MLIP: variants seen among roughly 807,000 people sequenced by gnomAD.
The protein encoded by MLIP is muscular LMNA interacting protein.
A neutral mutation model predicts 84.8 loss-of-function variants in MLIP; 79 were observed. The ratio of observed to expected loss-of-function variants is 0.93; its 90% CI spans 0.78 to 1.12. The LOEUF (loss-of-function observed/expected upper bound fraction) is 1.12. Among genes scored for constraint, MLIP ranks in the 50% most tolerant of loss-of-function variants. MLIP has a pLI of 0.00. For missense variants in MLIP, 1,257 were observed against 1,160.6 expected, an observed-to-expected ratio of 1.08 and a Z score of -1.21; for synonymous variants, 504 against 463.0, an observed-to-expected ratio of 1.09 and a Z score of -1.14.
At chr6:54,261,498 T>C (rs1783389753) in intron 13 of MLIP, 2 of 821,890 alleles carry the variant, frequency 2.4e-6, no homozygotes, top group African/African-American at 1.9e-5. Flanking sequence ...TGTGTTTTCT[T>C]ATTCCTTCTC....
chr6:54,133,580 G>A (rs1278619967), intron 3 of MLIP, among the ~76,000 whole-genome samples: 1 of 152,132 alleles, frequency 6.6e-6, no homozygotes, highest in Non-Finnish European at 1.5e-5. Flanking sequence ...TTATTCAAAT[G>A]CTTTGAAATC....
At chr6:54,229,667 G>A (rs982334554) in intron 11 of MLIP, among the ~76,000 whole-genome samples, 3 of 152,076 alleles carry the variant, frequency 2.0e-5, no homozygotes, top group Admixed American at 6.5e-5. Flanking sequence ...AATGGCTTCC[G>A]GCTCCATCCA....
At chr6:54,180,044 C>T (rs1054127700) in intron 9 of MLIP, among the ~76,000 whole-genome samples, 5 of 152,018 alleles carry the variant, frequency 3.3e-5, no homozygotes, top group African/African-American at 9.7e-5. Context: ...CTCTTTCATG[C>T]TTGGAGGATA....
intron 13 of MLIP, chr6:54,261,697 T>C (rs897435481): frequency 1.5e-5 from 15 of 985,130 alleles, no homozygotes; most frequent in Non-Finnish European, 1.8e-5. Flanking sequence ...TCTGACTTTA[T>C]CCTCTGGATG....
intron 1 of MLIP, among the ~76,000 whole-genome samples, chr6:54,048,855 A>C (rs1469389521): frequency 6.6e-6 from 1 of 152,046 alleles, no homozygotes; most frequent in Non-Finnish European, 1.5e-5. Context: ...CCCTTGCTGA[A>C]ATTTCTAAGT....
intron 12 of MLIP, among the ~76,000 whole-genome samples, chr6:54,239,251 A>G (rs1321729518): frequency 2.0e-5 from 3 of 151,458 alleles, no homozygotes; most frequent in Non-Finnish European, 4.4e-5. Context: ...GGCTGTTGTC[A>G]TTGCTCAAGG....
At chr6:54,128,812 C>T (rs1177847810) in intron 3 of MLIP, among the ~76,000 whole-genome samples, 1 of 152,054 alleles carries the variant, frequency 6.6e-6, no homozygotes, top group Non-Finnish European at 1.5e-5. Context: ...TATCAACCTT[C>T]CTTGTGAAGA....
At chr6:54,221,208 G>A (rs1467910953) in intron 11 of MLIP, among the ~76,000 whole-genome samples, 1 of 151,886 alleles carries the variant, frequency 6.6e-6, no homozygotes, top group East Asian at 1.9e-4. Context: ...TAGAAGTAGA[G>A]GCTAAACCAA....
intron 1 of MLIP, among the ~76,000 whole-genome samples, chr6:54,051,140 G>A (rs1373266280): frequency 6.6e-6 from 1 of 151,688 alleles, no homozygotes; most frequent in Non-Finnish European, 1.5e-5. Context: ...CAACCTCCTT[G>A]TTGGACCTCG....
At chr6:54,038,184 T>C (rs1004297480) in intron 1 of MLIP, among the ~76,000 whole-genome samples, 6 of 151,940 alleles carry the variant, frequency 3.9e-5, no homozygotes, top group African/African-American at 1.4e-4. Flanking sequence ...ATTTGTTCTT[T>C]GATATGACTT....
At chr6:54,248,005 A>G (rs1447284144) in intron 12 of MLIP, among the ~76,000 whole-genome samples, 1 of 152,118 alleles carries the variant, frequency 6.6e-6, no homozygotes, top group Non-Finnish European at 1.5e-5. Flanking sequence ...TGCAACTTAG[A>G]GGTAACTGGT....
At chr6:54,116,766 C>A (rs770639607) in intron 1 of MLIP, among the ~76,000 whole-genome samples, 1 of 152,240 alleles carries the variant, frequency 6.6e-6, no homozygotes, top group East Asian at 1.9e-4. Flanking sequence ...TACCCTGATG[C>A]CAAAACCAGA....
At chr6:54,183,460 A>G (rs1292854590) in intron 9 of MLIP, among the ~76,000 whole-genome samples, 1 of 152,116 alleles carries the variant, frequency 6.6e-6, no homozygotes, top group Non-Finnish European at 1.5e-5. Flanking sequence ...TTTCCTTGCC[A>G]TTTTAGATTT....
In MLIP at chr6:54,137,172, T is replaced by G. The variant is rs965026335; in HGVS notation, c.1103T>G (p.Ile368Ser). The change falls in exon 4 of 14, where the codon ATT (isoleucine) becomes AGT (serine). Residue 368 changes from isoleucine (I) to serine (S), a missense_variant. Transcript: ENST00000502396. ...TCGGCCTCGTACATACCAGTCCGCA[T>G]TGTCACGCATTCACTCTCTCCGAGC... ...SNSASYIPVR[I>S]VTHSLSPSPK... The G allele has an allele frequency of 8.5e-6, 13 of 1,535,976 alleles. No individual in the cohort carries two copies. Among genetic ancestry groups the G allele is most frequent in the Middle Eastern group, 1.7e-4 (1 of 6,012 alleles).
At chr6:54,245,933 A>G (rs574998407) in intron 12 of MLIP, among the ~76,000 whole-genome samples, 1 of 152,286 alleles carries the variant, frequency 6.6e-6, no homozygotes, top group Non-Finnish European at 1.5e-5. Context: ...TAATGTGACC[A>G]CTGTTTTACT....
intron 1 of MLIP, among the ~76,000 whole-genome samples, chr6:54,113,886 G>A (rs1230761231): frequency 6.6e-6 from 1 of 152,080 alleles, no homozygotes; most frequent in African/African-American, 2.4e-5. Flanking sequence ...TCAATCATTT[G>A]CTCTACTCTC....
At chr6:54,055,405 T>G (rs1765606914) in intron 1 of MLIP, among the ~76,000 whole-genome samples, 1 of 152,206 alleles carries the variant, frequency 6.6e-6, no homozygotes. Flanking sequence ...TACATGCTAG[T>G]AAATGTAGAA....
intron 10 of MLIP, among the ~76,000 whole-genome samples, chr6:54,201,644 A>ACATGGCATC (rs1778687430): frequency 6.6e-6 from 1 of 152,178 alleles, no homozygotes; most frequent in Non-Finnish European, 1.5e-5. Flanking sequence ...CATAATATGA[A>ACATGGCATC]CATGGCATCT....
chr6:54,096,826 A>T (rs1037631412), intron 1 of MLIP, among the ~76,000 whole-genome samples: 2 of 152,196 alleles, frequency 1.3e-5, no homozygotes, highest in Non-Finnish European at 2.9e-5. Context: ...AAGAGACAGG[A>T]CTATTCTATG....
Sources: gnomAD v4.1 joint callset for allele counts (sites outside exome capture counted in the v4.1 genomes callset) on GRCh38, gnomAD v4.1.1 for gene constraint, MANE v1.5 for transcripts, NCBI Gene and HGNC (gene_info 2026-07-23, HGNC 2026-07-21) for gene names.